Variants in NCALD observed in about 807,000 individuals in gnomAD.
NCALD encodes neurocalcin-delta.
A neutral mutation model predicts 18.6 loss-of-function variants in NCALD; 10 were observed. The ratio of observed to expected loss-of-function variants is 0.54; its 90% CI spans 0.33 to 0.91. The LOEUF is 0.91. Ranked by LOEUF, NCALD falls within the 40% of genes least tolerant of loss-of-function variation. NCALD has a pLI of 0.03. For synonymous variants in NCALD, 88 were observed against 87.4 expected (o/e 1.01, Z -0.04); for missense variants, 184 against 247.6 (o/e 0.74, Z 1.72).
At chr8:102,111,257 C>T in intron 1 of NCALD, among the ~76,000 whole-genome samples, 1 of 152,178 alleles carries the variant, frequency 6.6e-6, no homozygotes, top group East Asian at 1.9e-4. Context: ...CTAGAATGGA[C>T]TTCTGGTTCT....
At chr8:101,727,518 C>T (rs1449112895) in intron 1 of NCALD, among the ~76,000 whole-genome samples, 1 of 152,180 alleles carries the variant, frequency 6.6e-6, no homozygotes, top group Admixed American at 6.5e-5. Context: ...AGCTGGAGTG[C>T]AGTACCTATT....
At chr8:101,836,292 T>A (rs775858609) in intron 4 of NCALD, among the ~76,000 whole-genome samples, 1 of 152,186 alleles carries the variant, frequency 6.6e-6, no homozygotes, top group African/African-American at 2.4e-5. Context: ...TGAAAAGATA[T>A]ACAAATTGTG....
At chr8:102,066,541 A>G (rs1379324157) in intron 1 of NCALD, among the ~76,000 whole-genome samples, 1 of 152,220 alleles carries the variant, frequency 6.6e-6, no homozygotes. Flanking sequence ...CATGACACAA[A>G]TAGCTATTTA....
intron 1 of NCALD, among the ~76,000 whole-genome samples, chr8:101,783,208 A>C (rs1812087081): frequency 6.6e-6 from 1 of 152,180 alleles, no homozygotes; most frequent in African/African-American, 2.4e-5. Context: ...GAGTCTTCTT[A>C]AGGGAAGAGG....
At chr8:101,824,993 T>C (rs1455149287) in intron 4 of NCALD, among the ~76,000 whole-genome samples, 1 of 152,234 alleles carries the variant, frequency 6.6e-6, no homozygotes, top group African/African-American at 2.4e-5. Flanking sequence ...GAGGCAATTA[T>C]ATAGGCATCA....
At chr8:101,901,635 T>C (rs1024350668) in intron 3 of NCALD, among the ~76,000 whole-genome samples, 1 of 152,196 alleles carries the variant, frequency 6.6e-6, no homozygotes, top group Non-Finnish European at 1.5e-5. Context: ...TTTCCTCATC[T>C]ATAAAATAAT....
intron 1 of NCALD, among the ~76,000 whole-genome samples, chr8:102,071,277 T>A (rs1449246149): frequency 6.6e-6 from 1 of 152,176 alleles, no homozygotes; most frequent in African/African-American, 2.4e-5. Context: ...TATCAACTCA[T>A]AAAAATGGTT....
chr8:101,755,563 A>T (rs1810842948), intron 1 of NCALD, among the ~76,000 whole-genome samples: 1 of 152,010 alleles, frequency 6.6e-6, no homozygotes, highest in Admixed American at 6.6e-5. Flanking sequence ...CTCTCAAAAT[A>T]TCTTCTTTTT....
At position 101,997,720 on chromosome 8, in the gene NCALD, G is replaced by A. The variant is rs114183175; in HGVS notation, c.-157+22517C>T. On this transcript the variant is annotated intron_variant, in intron 2 of 6. Coordinates refer to the NCALD transcript ENST00000311028. ...TTTCAGCTCTATTTCTCTGAGCCTC[G>A]CAGCAGAAGTTCTTAAATGATCCTG... is the stretch of plus-strand genomic sequence containing the variant. Among the ~76,000 whole-genome samples the A allele has an allele frequency of 7.4e-3, 1,128 of 152,196 alleles. 15 individuals are homozygous for A. The highest frequency in any genetic ancestry group is 0.022 in the African/African-American group (918 of 41,504).
intron 4 of NCALD, among the ~76,000 whole-genome samples, chr8:101,881,150 T>C (rs1004921507): frequency 6.6e-6 from 1 of 152,040 alleles, no homozygotes; most frequent in Admixed American, 6.5e-5. Flanking sequence ...TAACGAAATA[T>C]CTATTAAAAT....
intron 2 of NCALD, among the ~76,000 whole-genome samples, chr8:101,966,505 A>G (rs1820038034): frequency 1.4e-5 from 2 of 139,020 alleles, no homozygotes; most frequent in Admixed American, 7.3e-5. Context: ...GGGGGGAGGG[A>G]TAGCATTAGG....
intron 2 of NCALD, among the ~76,000 whole-genome samples, chr8:101,997,258 A>C (rs1428423812): frequency 6.6e-6 from 1 of 152,258 alleles, no homozygotes; most frequent in Admixed American, 6.5e-5. Flanking sequence ...AGAGCAGGCA[A>C]TATGGCTGAG....
chr8:101,867,675 G>C (rs967279454), intron 4 of NCALD, among the ~76,000 whole-genome samples: 1 of 152,178 alleles, frequency 6.6e-6, no homozygotes, highest in African/African-American at 2.4e-5. Flanking sequence ...CAAATTGAAG[G>C]CATTGCCATA....
intron 1 of NCALD, among the ~76,000 whole-genome samples, chr8:101,786,364 A>T (rs1812228369): frequency 6.6e-6 from 1 of 152,176 alleles, no homozygotes; most frequent in South Asian, 2.1e-4. Flanking sequence ...CTACTATAAT[A>T]CTGTGAATGC....
intron 1 of NCALD, among the ~76,000 whole-genome samples, chr8:101,766,372 T>TA (rs5893585): frequency 0.8 from 121,683 of 152,136 alleles, 48,749 homozygotes; most frequent in East Asian, 0.84. Flanking sequence ...ACATAAAAAA[T>TA]ACATGAAAAA....
chr8:102,025,100 C>G (rs1822408161), intron 1 of NCALD, among the ~76,000 whole-genome samples: 1 of 152,236 alleles, frequency 6.6e-6, no homozygotes, highest in Admixed American at 6.5e-5. Flanking sequence ...CTACCCTCCT[C>G]CTAGGCTCGG....
At chr8:102,052,397 C>T (rs1823486658) in intron 1 of NCALD, among the ~76,000 whole-genome samples, 1 of 152,204 alleles carries the variant, frequency 6.6e-6, no homozygotes, top group African/African-American at 2.4e-5. Flanking sequence ...CAGGCTCCCT[C>T]TTGACTGCCT....
Position 101,754,862 on chromosome 8 carries a change from GAATGAATA to G in NCALD, c.-19-35222_-19-35215del, listed in dbSNP as rs1323394634. 6.4e-4 allele frequency among the ~76,000 whole-genome samples: 97 copies of G among 151,972 alleles called. 1 individual carries two copies. The highest frequency in any genetic ancestry group is 2.3e-3 in the African/African-American group (95 of 41,376). On this transcript the variant is annotated intron_variant, in intron 1 of 3. Transcript: ENST00000220931. Reference sequence around the variant, plus strand: ...CCATATGTTTATTGAATGAATGAATGAATGAATAAATGAATGAATGGATGGATGAATCA... The same window carrying G: ...CCATATGTTTATTGAATGAATGAATGAATGAATGAATGGATGGATGAATCA...
chr8:102,054,697 G>GATAGATAGATAGATAGATATCCT (rs1554587236), intron 1 of NCALD, among the ~76,000 whole-genome samples: 2 of 117,660 alleles, frequency 1.7e-5, no homozygotes, highest in Non-Finnish European at 3.7e-5. Context: ...TAGATAGATA[G>GATAGATAGATAGATAGATATCCT]ATAGATAGAT....
Sources: allele counts gnomAD v4.1 joint callset (sites outside exome capture counted in the v4.1 genomes callset), GRCh38; gene constraint gnomAD v4.1.1; transcripts MANE v1.5; gene names NCBI Gene and HGNC (gene_info 2026-07-23, HGNC 2026-07-21).